NELL1: variants seen among roughly 807,000 people sequenced by gnomAD.
The protein encoded by NELL1 is protein kinase C-binding protein NELL1.
A neutral mutation model predicts 107.4 loss-of-function variants in NELL1; 76 were observed. The observed-to-expected ratio is 0.71, with a 90% confidence interval of 0.59 to 0.86. The LOEUF is 0.86. Among genes scored for constraint, NELL1 ranks in the 40% least tolerant of loss-of-function variants. The probability of loss-of-function intolerance (pLI) is 0.00; values close to 1 mark genes in which losing one functional copy is unlikely to be tolerated. For missense variants in NELL1, 1,024 were observed against 1,005.5 expected (o/e 1.02, Z -0.25); for synonymous variants, 353 against 341.2 (o/e 1.03, Z -0.38).
At chr11:21,382,547 A>T (rs1346641578) in intron 15 of NELL1, among the ~76,000 whole-genome samples, 1 of 151,960 alleles carries the variant, frequency 6.6e-6, no homozygotes. Context: ...AACCTTATTG[A>T]AAAGACACCT....
At chr11:20,758,291 C>A (rs567340166) in intron 2 of NELL1, among the ~76,000 whole-genome samples, 1 of 152,140 alleles carries the variant, frequency 6.6e-6, no homozygotes, top group East Asian at 1.9e-4. Flanking sequence ...TGTCCTCCCA[C>A]GAGACCCATC....
At chr11:21,481,101 G>T (rs1854482039) in intron 15 of NELL1, among the ~76,000 whole-genome samples, 1 of 152,100 alleles carries the variant, frequency 6.6e-6, no homozygotes, top group Non-Finnish European at 1.5e-5. Context: ...AAGTTTCCTA[G>T]AATACTGTGT....
intron 3 of NELL1, among the ~76,000 whole-genome samples, chr11:20,830,271 G>A (rs899225054): frequency 1.3e-5 from 2 of 150,880 alleles, no homozygotes; most frequent in Admixed American, 6.6e-5. Flanking sequence ...AAAAAAAAAA[G>A]TTTTTTTCCA....
intron 12 of NELL1, among the ~76,000 whole-genome samples, chr11:20,971,942 G>A (rs4923211): frequency 0.14 from 21,371 of 150,540 alleles, 1,891 homozygotes; most frequent in East Asian, 0.26. Flanking sequence ...ACCAAACACC[G>A]CATGTTCTCA....
chr11:21,267,853 T>A (rs1848665133), intron 14 of NELL1, among the ~76,000 whole-genome samples: 1 of 152,276 alleles, frequency 6.6e-6, no homozygotes, highest in Admixed American at 6.5e-5. Context: ...AAGTTTATTT[T>A]ATCTGATATA....
intron 2 of NELL1, among the ~76,000 whole-genome samples, chr11:20,680,732 A>G (rs1854170386): frequency 6.6e-6 from 1 of 152,132 alleles, no homozygotes. Context: ...CCTCTGAGAC[A>G]TCGTTCATTT....
chr11:21,325,889 A>T (rs1026469952), intron 14 of NELL1, among the ~76,000 whole-genome samples: 6 of 151,846 alleles, frequency 4.0e-5, no homozygotes, highest in Admixed American at 1.3e-4. Flanking sequence ...CATAATATAA[A>T]ACTCTTTTTG....
At chr11:21,037,497 G>T (rs1053908641) in intron 12 of NELL1, among the ~76,000 whole-genome samples, 10 of 152,132 alleles carry the variant, frequency 6.6e-5, no homozygotes, top group Admixed American at 5.9e-4. Context: ...TCCCTTTTCT[G>T]GTGGGCAGAT....
intron 16 of NELL1, among the ~76,000 whole-genome samples, chr11:21,547,561 A>G (rs956139772): frequency 2.6e-5 from 4 of 151,936 alleles, no homozygotes; most frequent in Admixed American, 2.6e-4. Context: ...AGAAGTCACA[A>G]TTTTTAATAT....
intron 3 of NELL1, among the ~76,000 whole-genome samples, chr11:20,845,026 G>A (rs2134054298): frequency 6.6e-6 from 1 of 152,306 alleles, no homozygotes; most frequent in East Asian, 1.9e-4. Flanking sequence ...TAGCCCTCAT[G>A]AAAGAATTTT....
At chr11:21,080,482 A>C (rs531270644) in intron 12 of NELL1, among the ~76,000 whole-genome samples, 1 of 152,186 alleles carries the variant, frequency 6.6e-6, no homozygotes, top group Admixed American at 6.5e-5. Flanking sequence ...AGTATGTTGG[A>C]TATAGTCTCA....
At chr11:21,507,043 A>AC (rs34857320) in intron 15 of NELL1, among the ~76,000 whole-genome samples, 28,223 of 152,154 alleles carry the variant, frequency 0.19, 2,711 homozygotes, top group East Asian at 0.28. Flanking sequence ...TGTTCTCCAA[A>AC]TTTTAGACAC....
intron 4 of NELL1, among the ~76,000 whole-genome samples, chr11:20,880,717 G>T (rs1425127260): frequency 6.6e-6 from 1 of 152,146 alleles, no homozygotes; most frequent in Non-Finnish European, 1.5e-5. Context: ...TAAAATAGCT[G>T]AATTTTATTT....
chr11:21,177,114 G>A (rs1398253250), intron 13 of NELL1, among the ~76,000 whole-genome samples: 3 of 151,716 alleles, frequency 2.0e-5, no homozygotes, highest in Non-Finnish European at 2.9e-5. Flanking sequence ...GAACAAAATG[G>A]TAGAGAAAAT....
chr11:21,001,844 ACTGTTCAC>A (rs1431637515), intron 12 of NELL1, among the ~76,000 whole-genome samples: 54 of 150,932 alleles, frequency 3.6e-4, no homozygotes, highest in African/African-American at 1.2e-3. Context: ...CTAGGGGAAG[ACTGTTCAC>A]TATCTGACTC....
chr11:21,565,357 G>T (rs114427655), intron 17 of NELL1, among the ~76,000 whole-genome samples: 304 of 151,956 alleles, frequency 2.0e-3, no homozygotes, highest in African/African-American at 6.7e-3. Context: ...CCTTGCAGGA[G>T]CTTGAACGTT....
chr11:20,770,457 G>A (rs976393761), intron 2 of NELL1, among the ~76,000 whole-genome samples: 1 of 152,174 alleles, frequency 6.6e-6, no homozygotes, highest in African/African-American at 2.4e-5. Context: ...GGAGTTTCAG[G>A]TGACCTGTTT....
chr11:21,064,746 G>T (rs1853828035), intron 12 of NELL1, among the ~76,000 whole-genome samples: 1 of 152,146 alleles, frequency 6.6e-6, no homozygotes, highest in South Asian at 2.1e-4. Context: ...TCTTAAGTTA[G>T]ATGACCCATG....
intron 12 of NELL1, among the ~76,000 whole-genome samples, chr11:21,018,055 G>C (rs1465875550): frequency 6.6e-6 from 1 of 152,052 alleles, no homozygotes; most frequent in East Asian, 1.9e-4. Context: ...GAGATCCTAG[G>C]CACAATTTGT....
Sources: gnomAD v4.1 joint callset for allele counts (sites outside exome capture counted in the v4.1 genomes callset) on GRCh38, gnomAD v4.1.1 for gene constraint, MANE v1.5 for transcripts, NCBI Gene and HGNC (gene_info 2026-07-23, HGNC 2026-07-21) for gene names.